The following G6PC1 variants were observed in gnomAD, a reference collection of about 807,000 sequenced individuals.
G6PC1 encodes the protein glucose-6-phosphatase catalytic subunit 1, also known as G-6-Pase.
A neutral mutation model predicts 30.4 loss-of-function variants in G6PC1; 23 were observed. That is an observed-to-expected ratio of 0.76 (90% CI 0.55 to 1.07). G6PC1 has a LOEUF of 1.07. Among genes scored for constraint, G6PC1 ranks in the 50% least tolerant of loss-of-function variants. G6PC1 has a pLI of 0.00. For synonymous variants in G6PC1, 163 were observed against 175.6 expected (o/e 0.93, Z 0.57); for missense variants, 391 against 433.9 (o/e 0.90, Z 0.88).
rs921779184 is a variant in G6PC1, at chr17:42,913,103, C to A, written c.*1677C>A. 5 of 152,048 alleles carry A rather than the reference C, an allele frequency of 3.3e-5. No homozygotes were observed. Among genetic ancestry groups the A allele is most frequent in the African/African-American group, 1.2e-4 (5 of 41,416 alleles). 9.4% of individuals were successfully genotyped at this position (152,048 alleles called of 1,614,324 possible). Reference sequence around the variant, plus strand: ...CAGGCATGAGCCACCGCACCGGGCCCTCCTTGCCTGTTTTTCAATCTCATC... The same window carrying A: ...CAGGCATGAGCCACCGCACCGGGCCATCCTTGCCTGTTTTTCAATCTCATC... On this transcript the variant is annotated 3_prime_UTR_variant, in exon 5 of 5. Transcript: ENST00000253801.
intron 2 of G6PC1, among the ~76,000 whole-genome samples, chr17:42,906,598 C>T (rs751999049): frequency 7.2e-5 from 11 of 152,086 alleles, no homozygotes; most frequent in Admixed American, 2.0e-4. Flanking sequence ...GGGAACCAGA[C>T]GGGCCATGGT....
chr17:42,913,945 G>A lies in G6PC1; in HGVS notation c.*2519G>A, dbSNP rs886052965. 1.3e-5 allele frequency among the ~76,000 whole-genome samples: 2 copies of A among 152,150 alleles called. No homozygotes were observed. Among genetic ancestry groups the A allele is most frequent in the South Asian group, 4.1e-4 (2 of 4,822 alleles). On this transcript the variant is annotated 3_prime_UTR_variant, in exon 5 of 5. Transcript: ENST00000253801. ...TCATCACCGTATCAATGGATTTCCT[G>A]AGGGTAAGCTCCGCTATTTCACACC...
At chr17:42,908,563 C>T (rs550089021) in intron 3 of G6PC1, among the ~76,000 whole-genome samples, 1 of 151,992 alleles carries the variant, frequency 6.6e-6, no homozygotes, top group East Asian at 1.9e-4. Context: ...CGTGCCACCA[C>T]ACCTGGCTAA....
intron 1 of G6PC1, among the ~76,000 whole-genome samples, chr17:42,901,784 G>A (rs965234053): frequency 1.3e-5 from 2 of 152,162 alleles, no homozygotes; most frequent in Non-Finnish European, 2.9e-5. Context: ...GTTTTGTGGG[G>A]TAATGAAAAG....
At chr17:42,909,508 A>G (rs2056083195) in intron 4 of G6PC1, 90 bp downstream of exon 4, 1 of 927,288 alleles carries the variant, frequency 1.1e-6, no homozygotes, top group African/African-American at 1.6e-5. Flanking sequence ...TTCCAGCCAC[A>G]TCCTGTGTGT....
chr17:42,912,335 A>G lies in G6PC1; in HGVS notation c.*909A>G, dbSNP rs2056101427. 6.6e-6 allele frequency: 1 copy of G among 152,348 alleles called. No individual in the cohort carries two copies. The allele number at this position is 152,348 out of a possible 1,614,324, so 9.4% of individuals were successfully genotyped here. A position where few individuals can be genotyped will look rare whatever the true frequency, so the allele number is the denominator to read the frequency against. ...AGGTCAAAACATTCAGGTATAGCTG[A>G]CATCTCCTCTATCACATTACATCAT... On this transcript the variant is annotated 3_prime_UTR_variant, in exon 5 of 5. Coordinates refer to ENST00000253801, the MANE Select transcript of G6PC1 (RefSeq NM_000151.4).
At chr17:42,908,483 T>C (rs2056075413) in intron 3 of G6PC1, among the ~76,000 whole-genome samples, 1 of 150,692 alleles carries the variant, frequency 6.6e-6, no homozygotes, top group African/African-American at 2.4e-5. Flanking sequence ...CTCGCCTCAC[T>C]GCAACCTCCG....
chr17:42,902,931 G>A (rs1264492189), intron 1 of G6PC1, among the ~76,000 whole-genome samples: 1 of 151,948 alleles, frequency 6.6e-6, no homozygotes, highest in Non-Finnish European at 1.5e-5. Context: ...GATGTCAGAG[G>A]AAATGCAAGA....
chr17:42,911,168 G>A lies in G6PC1; in HGVS notation c.816G>A (p.Gly272=), dbSNP rs762728678. The change falls in exon 5 of 5, where the codon GGG becomes GGA. Residue 272 remains glycine (G), a synonymous_variant. Coordinates refer to ENST00000253801, the MANE Select transcript of G6PC1 (RefSeq NM_000151.4). ...LKNLGTLFGL[G]LALNSSMYRE... is the part of the protein sequence containing the mutation. ...ACCTGGGCACGCTCTTTGGCCTGGG[G>A]CTGGCTCTCAACTCCAGCATGTACA... 6.2e-7 allele frequency: 1 copy of A among 1,614,042 alleles called. No individual in the cohort carries two copies.
chr17:42,902,579 G>A (rs2056033251), intron 1 of G6PC1, among the ~76,000 whole-genome samples: 1 of 152,106 alleles, frequency 6.6e-6, no homozygotes, highest in African/African-American at 2.4e-5. Flanking sequence ...AAGATGAAGT[G>A]TTATTCCAAA....
chr17:42,908,566 C>A (rs962991690), intron 3 of G6PC1, among the ~76,000 whole-genome samples: 6 of 151,822 alleles, frequency 4.0e-5, no homozygotes, highest in African/African-American at 1.5e-4. Flanking sequence ...GCCACCACAC[C>A]TGGCTAATTT....
At chr17:42,904,325 G>A (rs2056045619) in intron 2 of G6PC1, 1 of 417,926 alleles carries the variant, frequency 2.4e-6, no homozygotes, top group South Asian at 2.1e-5. Context: ...TGAGAAAGGA[G>A]GGGGCAGAAG....
chr17:42,907,832 C>T lies in G6PC1; in HGVS notation c.446+204C>T, dbSNP rs371429873. On this transcript the variant is annotated intron_variant, in intron 3 of 4. Transcript: ENST00000253801. ...CTGAAAGGGATCCAGTAGTGCAATC[C>T]GTTGTTTTACAGATAAGGAAACAAA... 3.9e-4 allele frequency among the ~76,000 whole-genome samples: 60 copies of T among 152,204 alleles called. 3 individuals are homozygous for T. Among genetic ancestry groups the T allele is most frequent in the African/African-American group, 1.3e-3 (54 of 41,508 alleles).
intron 1 of G6PC1, among the ~76,000 whole-genome samples, chr17:42,902,767 G>C (rs1421830812): frequency 6.6e-6 from 1 of 152,114 alleles, no homozygotes; most frequent in South Asian, 2.1e-4. Context: ...TTTTAAAGGG[G>C]AAGTGGTTTG....
rs1305819623 is a variant in G6PC1, at chr17:42,911,131, GCCT to G, written c.784_786del (p.Leu262del). 1.9e-6 allele frequency: 3 copies of G among 1,614,024 alleles called. No individual in the cohort carries two copies. Among genetic ancestry groups the G allele is most frequent in the Non-Finnish European group, 2.5e-6 (3 of 1,180,016 alleles). On this transcript the variant is annotated inframe_deletion, in exon 5 of 5. Coordinates refer to ENST00000253801, the MANE Select transcript of G6PC1 (RefSeq NM_000151.4). ...CACATTGACACCACACCCTTTGCCAGCCTCCTCAAGAACCTGGGCACGCTCTTT... is the reference window on the plus strand; with the variant it reads ...CACATTGACACCACACCCTTTGCCAGCCTCAAGAACCTGGGCACGCTCTTT...
Position 42,909,357 on chromosome 17 carries a change from T to C in G6PC1, c.501T>C (p.Cys167=). Residue 167 remains cysteine, a synonymous_variant, in exon 4 of 5, where the codon TGT becomes TGC. Coordinates refer to ENST00000253801, the MANE Select transcript of G6PC1 (RefSeq NM_000151.4). ...LGFWAVQLNV[C]LSRIYLAAHF... ...TCTGGGCTGTGCAGCTGAATGTCTG[T>C]CTGTCACGAATCTACCTTGCTGCTC... 2 of 1,614,178 alleles carry C rather than the reference T, an allele frequency of 1.2e-6. No homozygotes were observed. The highest frequency in any genetic ancestry group is 8.5e-7 in the Non-Finnish European group (1 of 1,180,030).
chr17:42,905,768 C>T (rs1567704486), intron 2 of G6PC1, among the ~76,000 whole-genome samples: 2 of 151,926 alleles, frequency 1.3e-5, no homozygotes, highest in South Asian at 2.1e-4. Context: ...GTAGGCCGGG[C>T]GCGGTGGCTC....
In G6PC1 at chr17:42,909,357, T is replaced by A; in HGVS notation, c.501T>A (p.Cys167Ter). The A allele has an allele frequency of 6.2e-7, 1 of 1,614,178 alleles. No homozygotes were observed. ...TCTGGGCTGTGCAGCTGAATGTCTGTCTGTCACGAATCTACCTTGCTGCTC... is the reference window on the plus strand; with the variant it reads ...TCTGGGCTGTGCAGCTGAATGTCTGACTGTCACGAATCTACCTTGCTGCTC... Reference protein sequence around the residue: ...LGFWAVQLNVCLSRIYLAAHF... With the variant: ...LGFWAVQLNV The change falls in exon 4 of 5, where the codon TGT becomes TGA. Residue 167 changes from cysteine to a stop codon, truncating the protein, a stop_gained. Transcript: ENST00000253801. LOFTEE classifies it high-confidence loss of function.
intron 1 of G6PC1, 26 bp downstream of exon 1, chr17:42,901,132 A>T (rs779074086): frequency 6.3e-7 from 1 of 1,582,976 alleles, no homozygotes; most frequent in South Asian, 1.1e-5. Flanking sequence ...AGAGGAGATC[A>T]GCAAGAAAAG....
Sources: gnomAD v4.1 joint callset for allele counts (sites outside exome capture counted in the v4.1 genomes callset) on GRCh38, gnomAD v4.1.1 for gene constraint, MANE v1.5 for transcripts, NCBI Gene and HGNC (gene_info 2026-07-23, HGNC 2026-07-21) for gene names.